Variants in TRIM37 observed in about 807,000 individuals in gnomAD.
The protein encoded by TRIM37 is E3 ubiquitin-protein ligase TRIM37.
In TRIM37, 80 loss-of-function variants were observed where a neutral mutation model predicts 129.8. The ratio of observed to expected loss-of-function variants is 0.62; its 90% CI spans 0.51 to 0.74. The LOEUF (loss-of-function observed/expected upper bound fraction) is 0.74, where lower values mean the gene tolerates loss of function less well. Ranked by LOEUF, TRIM37 falls within the 30% of genes least tolerant of loss-of-function variation. TRIM37 has a pLI of 0.00. For synonymous variants in TRIM37, 389 were observed against 387.1 expected (o/e 1.00, Z -0.06); for missense variants, 1,054 against 1,176.5 (o/e 0.90, Z 1.52).
At chr17:58,994,750 CT>C (rs796722512), downstream of TRIM37, among the ~76,000 whole-genome samples, 1,884 of 142,170 alleles carry the variant, frequency 0.013, 22 homozygotes, top group African/African-American at 0.037. Flanking sequence ...TTCTTTCTTT[CT>C]TTTTTTTTTT....
rs1456473554 is a variant in TRIM37 at position 59,049,273 on chromosome 17, C to G, written c.1435G>C (p.Asp479His). 3 of 1,614,144 alleles carry G rather than the reference C, an allele frequency of 1.9e-6. 1 individual carries two copies. In the East Asian group the frequency reaches 6.7e-5, roughly 36 times the overall value. ...ETRAKKSACS[D>H]MLLEGGPTTA... Reference sequence around the variant, plus strand: ...GTAGGACCACCTTCGAGAAGCATGTCAGAGCATGCAGACTTCTTAGCTCGT... The same window carrying G: ...GTAGGACCACCTTCGAGAAGCATGTGAGAGCATGCAGACTTCTTAGCTCGT... The change falls in exon 15 of 24, where the codon GAC (aspartate) becomes CAC (histidine). Residue 479 changes from aspartate to histidine, a missense_variant. Asp to His is a moderately conservative substitution (Grantham distance 81). This residue lies in a region of TRIM37 where 752 missense variants were observed against 870.8 expected (regional missense o/e 0.86). Transcript: ENST00000262294.
chr17:59,017,570 T>C (rs765092885), intron 19 of TRIM37, 146 bp from the exon 20 acceptor site: 36 of 1,133,298 alleles, frequency 3.2e-5, no homozygotes, highest in Admixed American at 2.1e-4. Context: ...GTAGCCCCAA[T>C]TGGTTTAGAC....
chr17:59,062,709 C>T (rs2041600699), intron 10 of TRIM37, 61 bp from the exon 11 acceptor site: 1 of 1,416,026 alleles, frequency 7.1e-7, no homozygotes, highest in Non-Finnish European at 1.0e-6. Context: ...TGGCAACAGG[C>T]AAAAAGAAAG....
intron 23 of TRIM37, among the ~76,000 whole-genome samples, chr17:59,000,208 T>C (rs1285408212): frequency 2.0e-5 from 3 of 152,200 alleles, no homozygotes; most frequent in Non-Finnish European, 1.5e-5. Context: ...ATCCACATGA[T>C]AGAATATTAG....
Position 58,998,794 on chromosome 17 carries a change from G to A in TRIM37, c.*583C>T. ...AAGATACCATGCGGTTGAACAGTGTGCCTGTACTTGAACAAGTGAGAGAAG... is the reference window on the plus strand; with the variant it reads ...AAGATACCATGCGGTTGAACAGTGTACCTGTACTTGAACAAGTGAGAGAAG... On this transcript the variant is annotated 3_prime_UTR_variant, in exon 24 of 24. Transcript: ENST00000262294. 1.0e-6 allele frequency: 1 copy of A among 987,706 alleles called. No individual in the cohort carries two copies. The highest frequency in any genetic ancestry group is 1.2e-6 in the Non-Finnish European group (1 of 831,338). The allele number at this position is 987,706 out of a possible 1,614,324, so 61.2% of individuals were successfully genotyped here.
Position 59,056,874 on chromosome 17 carries a change from C to A in TRIM37, c.1199+1G>T. 1.2e-6 allele frequency: 2 copies of A among 1,613,458 alleles called. No homozygotes were observed. Among genetic ancestry groups the A allele is most frequent in the Non-Finnish European group, 1.7e-6 (2 of 1,179,764 alleles). On this transcript the variant is annotated splice_donor_variant, in intron 13 of 23. Transcript: ENST00000262294. LOFTEE classifies it high-confidence loss of function. Reference sequence around the variant, plus strand: ...CCACAACATCAAATTTTTCCTGTTACCTTAAAATCACTGTATCATTTTGTG... The same window carrying A: ...CCACAACATCAAATTTTTCCTGTTAACTTAAAATCACTGTATCATTTTGTG...
intron 16 of TRIM37, among the ~76,000 whole-genome samples, chr17:59,043,620 C>T (rs1026974559): frequency 2.0e-5 from 3 of 152,140 alleles, no homozygotes; most frequent in Non-Finnish European, 4.4e-5. Flanking sequence ...CACACACGGC[C>T]AAGAGGTGGA....
intron 3 of TRIM37, among the ~76,000 whole-genome samples, chr17:59,088,828 AT>A (rs1394911453): frequency 2.6e-5 from 4 of 152,168 alleles, no homozygotes; most frequent in Admixed American, 2.0e-4. Flanking sequence ...AACTAAAAAA[AT>A]AAAAAATAAA....
At chr17:59,020,135 G>A (rs774064013) in intron 19 of TRIM37, among the ~76,000 whole-genome samples, 7 of 148,430 alleles carry the variant, frequency 4.7e-5, no homozygotes, top group Non-Finnish European at 7.4e-5. Flanking sequence ...GGAGGCTGAG[G>A]TAGGAGAAGT....
chr17:59,077,944 C>G (rs559129774), intron 7 of TRIM37, among the ~76,000 whole-genome samples: 2 of 148,856 alleles, frequency 1.3e-5, no homozygotes, highest in African/African-American at 5.0e-5. Context: ...GCCAACATGG[C>G]GAAACCCCAT....
chr17:59,016,928 C>T (rs2145127315), intron 20 of TRIM37, among the ~76,000 whole-genome samples: 1 of 152,232 alleles, frequency 6.6e-6, no homozygotes, highest in Non-Finnish European at 1.5e-5. Flanking sequence ...GTAATCCGAG[C>T]ACTTTGGGAG....
At chr17:59,042,431 TA>T (rs71145517) in intron 16 of TRIM37, among the ~76,000 whole-genome samples, 5,817 of 75,940 alleles carry the variant, frequency 0.077, 272 homozygotes, top group Middle Eastern at 0.13. Flanking sequence ...AAAAGGAATT[TA>T]AAAAAAAAAA....
Position 59,012,367 on chromosome 17 carries a change from G to T in TRIM37, c.2656C>A (p.Pro886Thr). ...GCTGAAGCTCCTTCAGGTAGTACAG[G>T]CTGTAACTCTCCAGTTTCAGAATTA... ...ENNSETGELQ[P>T]VLPEGASAAP... Residue 886 changes from proline (P) to threonine (T), a missense_variant, in exon 22 of 24, where the codon CCT becomes ACT. Physicochemically the swap from Pro to Thr is conservative, Grantham distance 38. Coordinates refer to ENST00000262294, the MANE Select transcript of TRIM37 (RefSeq NM_015294.6). The T allele has an allele frequency of 6.2e-7, 1 of 1,612,946 alleles. No homozygotes were observed. Among genetic ancestry groups the T allele is most frequent in the Non-Finnish European group, 8.5e-7 (1 of 1,179,672 alleles).
Position 59,047,739 on chromosome 17 carries a change from A to G in TRIM37, c.1611T>C (p.Ser537=). The change falls in exon 16 of 24, where the codon TCT becomes TCC. Residue 537 remains serine, a synonymous_variant. Transcript: ENST00000262294. ...TATTACTTGTTGCTGTGGAACTAGC[A>G]GAGGAACTGCTGCCATCGAGCTGAT... ...EVNQLDGSSS[S]ASSTATSNTE... is the part of the protein sequence containing the mutation. 1.9e-6 allele frequency: 3 copies of G among 1,614,128 alleles called. No homozygotes were observed. The highest frequency in any genetic ancestry group is 2.5e-6 in the Non-Finnish European group (3 of 1,179,994).
At chr17:58,983,759 C>T (rs959609464) in intron 24 of TRIM37, 1 of 152,596 alleles carries the variant, frequency 6.6e-6, no homozygotes, top group Admixed American at 6.5e-5. Context: ...GTGGCAGTAT[C>T]CCTTTTTCAA....
chr17:59,047,652 A>T (rs778474998), intron 16 of TRIM37, 31 bp downstream of exon 16: 3 of 1,598,384 alleles, frequency 1.9e-6, no homozygotes, highest in Non-Finnish European at 2.6e-6. Context: ...TACCACTTAA[A>T]TGCTTTACAG....
chr17:59,041,312 T>C (rs1295575505), intron 17 of TRIM37, among the ~76,000 whole-genome samples: 1 of 152,230 alleles, frequency 6.6e-6, no homozygotes, highest in Non-Finnish European at 1.5e-5. Context: ...ACCAGCTATA[T>C]GACCAGGTAA....
At chr17:59,073,912 C>T (rs1029998202) in intron 8 of TRIM37, among the ~76,000 whole-genome samples, 8 of 152,194 alleles carry the variant, frequency 5.3e-5, no homozygotes, top group Admixed American at 3.3e-4. Flanking sequence ...ATGCCTTCTT[C>T]TGGAATATAG....
chr17:59,023,444 G>C (rs752916353), intron 19 of TRIM37, among the ~76,000 whole-genome samples: 4 of 152,032 alleles, frequency 2.6e-5, no homozygotes, highest in Non-Finnish European at 5.9e-5. Context: ...ACGAGGTCAG[G>C]AGATCAAGAC....
Sources: gnomAD v4.1 joint callset for allele counts (sites outside exome capture counted in the v4.1 genomes callset) on GRCh38, gnomAD v4.1.1 for gene constraint, gnomAD v4.1.1 regional missense constraint, MANE v1.5 for transcripts, NCBI Gene and HGNC (gene_info 2026-07-23, HGNC 2026-07-21) for gene names.